The following GANC variants were observed in gnomAD, a reference collection of about 807,000 sequenced individuals.
GANC encodes the protein glucosidase alpha, neutral C.
A neutral mutation model predicts 124.2 loss-of-function variants in GANC; 117 were observed. That is an observed-to-expected ratio of 0.94 (90% confidence interval 0.81 to 1.10). The LOEUF (loss-of-function observed/expected upper bound fraction) is 1.10, where lower values mean the gene tolerates loss of function less well. Among genes scored for constraint, GANC ranks in the 50% least tolerant of loss-of-function variants. The pLI, the probability that GANC is intolerant of heterozygous loss-of-function variation, is 0.00. For missense variants in GANC, 1,140 were observed against 1,095.0 expected (o/e 1.04, Z -0.58); for synonymous variants, 377 against 376.8 (o/e 1.00, Z -0.01).
chr15:42,312,129 T>C (rs2052055972), intron 10 of GANC, among the ~76,000 whole-genome samples: 1 of 152,236 alleles, frequency 6.6e-6, no homozygotes, highest in African/African-American at 2.4e-5. Flanking sequence ...CTGCAATCCC[T>C]ATCAAAATTC....
At chr15:42,286,404 A>C (rs911062947) in intron 3 of GANC, among the ~76,000 whole-genome samples, 4 of 152,192 alleles carry the variant, frequency 2.6e-5, no homozygotes, top group African/African-American at 7.2e-5. Flanking sequence ...AATTTGAGAG[A>C]GCAATGGAAA....
rs1433536585 is a variant in GANC, at chr15:42,287,695, C to T, written c.206C>T (p.Pro69Leu). The T allele has an allele frequency of 6.2e-6, 10 of 1,610,520 alleles. No individual in the cohort carries two copies. The Admixed American group carries it at 1.7e-4, about 27-fold the overall frequency. Reference protein sequence around the residue: ...FQIINEASKVPLLAEIYGIEG... With the variant: ...FQIINEASKVLLLAEIYGIEG... ...ATCTCTTGTATCTGTTTCCAGGTTC[C>T]TCTCCTGGCTGAAATTTATGGTATA... The change falls in exon 4 of 24, where the codon CCT (proline) becomes CTT (leucine). Residue 69 changes from proline to leucine, a missense_variant. Transcript: ENST00000318010.
chr15:42,351,871 T>C (rs2052443274), intron 23 of GANC, among the ~76,000 whole-genome samples, 159 bp from the exon 24 acceptor site: 1 of 152,256 alleles, frequency 6.6e-6, no homozygotes, highest in Non-Finnish European at 1.5e-5. Flanking sequence ...TTTCCACGTT[T>C]CTAAAACTTC....
rs189313282 is a variant in GANC at position 42,274,108 on chromosome 15, A to T, written c.-374A>T. On this transcript the variant is annotated 5_prime_UTR_variant, in exon 1 of 24. Transcript: ENST00000318010. ...GATAGATCTGCAGATGCTTCGTCCC[A>T]GTCAGGGAGGCCGTCTCGGCATTTC... 5.9e-5 allele frequency: 15 copies of T among 252,924 alleles called. No homozygotes were observed. In the East Asian group the frequency reaches 2.1e-3, roughly 36 times the overall value. The allele number at this position is 252,924 out of a possible 1,614,324, so 15.7% of individuals were successfully genotyped here.
intron 2 of GANC, among the ~76,000 whole-genome samples, chr15:42,277,557 C>G (rs1306028800): frequency 4.6e-5 from 7 of 151,832 alleles, no homozygotes; most frequent in Non-Finnish European, 1.0e-4. Context: ...GCCTGTTTCT[C>G]CAGAGCTACA....
chr15:42,316,176 A>G (rs1182769045), intron 10 of GANC, among the ~76,000 whole-genome samples: 1 of 152,150 alleles, frequency 6.6e-6, no homozygotes, highest in Non-Finnish European at 1.5e-5. Context: ...TCACTGTAGC[A>G]TTATTCACAA....
At chr15:42,328,385 C>G (rs1251947069) in intron 13 of GANC, among the ~76,000 whole-genome samples, 1 of 151,804 alleles carries the variant, frequency 6.6e-6, no homozygotes, top group African/African-American at 2.4e-5. Flanking sequence ...TGGACCTTTA[C>G]CAAAAATGTT....
intron 17 of GANC, among the ~76,000 whole-genome samples, chr15:42,340,173 A>C (rs1463203808): frequency 2.0e-5 from 3 of 152,234 alleles, no homozygotes; most frequent in Non-Finnish European, 2.9e-5. Context: ...ATTTCAAAGA[A>C]AAAGGAAGTG....
chr15:42,305,935 G>A (rs2051990812), intron 6 of GANC, among the ~76,000 whole-genome samples: 1 of 150,620 alleles, frequency 6.6e-6, no homozygotes, highest in South Asian at 2.1e-4. Context: ...ACACACCGGG[G>A]TCTGTTGGGG....
chr15:42,331,800 A>T (rs118023736), intron 15 of GANC, among the ~76,000 whole-genome samples: 9,853 of 152,054 alleles, frequency 0.065, 408 homozygotes, highest in South Asian at 0.16. Flanking sequence ...TGTTTAAAAA[A>T]TTTTTTTTCT....
At chr15:42,318,152 T>C (rs1265187377) in intron 10 of GANC, among the ~76,000 whole-genome samples, 3 of 152,216 alleles carry the variant, frequency 2.0e-5, no homozygotes, top group Non-Finnish European at 2.9e-5. Flanking sequence ...CTAGGTTCCC[T>C]GCACAGCTTT....
rs1014212885 is a variant in GANC, at chr15:42,274,199, C to T, written c.-283C>T. 2.4e-6 allele frequency: 1 copy of T among 424,430 alleles called. No individual in the cohort carries two copies. Among genetic ancestry groups the T allele is most frequent in the Non-Finnish European group, 4.3e-6 (1 of 234,044 alleles). 26.3% of individuals were successfully genotyped at this position (424,430 alleles called of 1,614,324 possible). ...TTGCGTACACGCCCTCACCGCCGCCCAGTTTCGGTTCCTAACAAAAGCACG... is the reference window on the plus strand; with the variant it reads ...TTGCGTACACGCCCTCACCGCCGCCTAGTTTCGGTTCCTAACAAAAGCACG... On this transcript the variant is annotated 5_prime_UTR_variant, in exon 1 of 24. Coordinates refer to ENST00000318010, the MANE Select transcript of GANC (RefSeq NM_198141.3).
chr15:42,310,645 G>T, intron 9 of GANC, 48 bp from the exon 10 acceptor site: 1 of 1,587,350 alleles, frequency 6.3e-7, no homozygotes, highest in Non-Finnish European at 8.6e-7. Context: ...GCTGGATGTT[G>T]CAGGTTAGAG....
chr15:42,292,646 T>C, intron 4 of GANC, 89 bp from the exon 5 acceptor site: 1 of 1,267,168 alleles, frequency 7.9e-7, no homozygotes, highest in Non-Finnish European at 1.1e-6. Flanking sequence ...TGAATATTGA[T>C]TTACTAATTA....
rs1233615341 is a variant in GANC at position 42,330,569 on chromosome 15, G to T, written c.1645-7G>T. On this transcript the variant is annotated splice_polypyrimidine_tract_variant and splice_region_variant and intron_variant, in intron 14 of 23. Transcript: ENST00000318010. ...CTCTTTGAAATTTTTCTTGTTTGGT[G>T]ATATAGCAAATGGCTACTGCAGAAG... 2.5e-6 allele frequency: 4 copies of T among 1,607,524 alleles called. No homozygotes were observed. The highest frequency in any genetic ancestry group is 3.4e-6 in the Non-Finnish European group (4 of 1,174,726).
At position 42,287,871 on chromosome 15, in the gene GANC, A is replaced by AT; in HGVS notation, c.329+54dup. On this transcript the variant is annotated intron_variant, in intron 4 of 23. Transcript: ENST00000318010. Reference sequence around the variant, plus strand: ...GACACGCTTGATATATTCTTTTATCATATCTTGAGTAATAAATTTTGTTAT... The same window carrying AT: ...GACACGCTTGATATATTCTTTTATCATTATCTTGAGTAATAAATTTTGTTAT... 4.5e-6 allele frequency: 7 copies of AT among 1,554,952 alleles called. No individual in the cohort carries two copies. The African/African-American group carries it at 5.5e-5, about 12-fold the overall frequency.
chr15:42,340,734 TG>T lies in GANC; in HGVS notation c.2134del (p.Glu712LysfsTer49). ...EFPDELKTFD[M>X]EDEYMLGSAL... Reference sequence around the variant, plus strand: ...CCTGATGAACTAAAGACTTTTGATATGGAAGATGAATACATGCTGGGTGAGC... The same window carrying T: ...CCTGATGAACTAAAGACTTTTGATATGAAGATGAATACATGCTGGGTGAGC... On this transcript the variant is annotated frameshift_variant, in exon 18 of 24. Transcript: ENST00000318010. LOFTEE classifies it high-confidence loss of function. The T allele has an allele frequency of 6.2e-7, 1 of 1,603,132 alleles. No individual in the cohort carries two copies. Among genetic ancestry groups the T allele is most frequent in the Non-Finnish European group, 8.5e-7 (1 of 1,177,056 alleles).
Position 42,274,491 on chromosome 15 carries a change from G to T in GANC, c.10G>T (p.Ala4Ser). The stretch of plus-strand genomic sequence containing the variant: ...GAGTGACAGAGAAGCCATGGAAGCA[G>T]CAGTGAAAGAGGAAATAAGGTAAAG... MEA[A>S]VKEEISLEDE... is the part of the protein sequence containing the mutation. The change falls in exon 1 of 24, where the codon GCA (alanine) becomes TCA (serine). Residue 4 changes from alanine to serine, a missense_variant. Transcript: ENST00000318010. The T allele has an allele frequency of 1.2e-6, 2 of 1,610,942 alleles. No homozygotes were observed. The highest frequency in any genetic ancestry group is 1.7e-6 in the Non-Finnish European group (2 of 1,178,768).
rs769322144 is a variant in GANC at position 42,349,414 on chromosome 15, A to C, written c.2450A>C (p.Asp817Ala). ...TCAGTGGGTGAGTTATATCTTGATG[A>C]TGGCCATTCATTCCAATACCTCCAC... Reference protein sequence around the residue: ...GSSVGELYLDDGHSFQYLHQK... With the variant: ...GSSVGELYLDAGHSFQYLHQK... The change falls in exon 22 of 24, where the codon GAT becomes GCT. Residue 817 changes from aspartate (D) to alanine (A), a missense_variant. Coordinates refer to ENST00000318010, the MANE Select transcript of GANC (RefSeq NM_198141.3). 1 of 1,613,038 alleles carries C rather than the reference A, an allele frequency of 6.2e-7. No individual in the cohort carries two copies. Among genetic ancestry groups the C allele is most frequent in the African/African-American group, 1.3e-5 (1 of 74,906 alleles).
Sources: gnomAD v4.1 joint callset for allele counts (sites outside exome capture counted in the v4.1 genomes callset) on GRCh38, gnomAD v4.1.1 for gene constraint, MANE v1.5 for transcripts, NCBI Gene and HGNC (gene_info 2026-07-23, HGNC 2026-07-21) for gene names.